KNTC1: variants seen among roughly 807,000 people sequenced by gnomAD.
KNTC1 encodes kinetochore-associated protein 1.
Under a neutral mutation model 314.4 loss-of-function variants are expected in KNTC1, and 253 were observed. The ratio of observed to expected loss-of-function variants is 0.80; its 90% CI spans 0.73 to 0.89. KNTC1 has a LOEUF of 0.89. KNTC1 is among the 40% of genes least tolerant of loss of function. The pLI, the probability that KNTC1 is intolerant of heterozygous loss-of-function variation, is 0.00. For synonymous variants in KNTC1, 901 were observed against 901.4 expected (o/e 1.00, Z 0.01); for missense variants, 2,475 against 2,572.9 (o/e 0.96, Z 0.82).
At chr12:122,618,595 A>G in intron 59 of KNTC1, 50 bp downstream of exon 59, 1 of 1,377,888 alleles carries the variant, frequency 7.3e-7, no homozygotes, top group Non-Finnish European at 1.0e-6. Context: ...TGTTGCTTAT[A>G]AGATTCCCTT....
At chr12:122,601,665 G>A in intron 45 of KNTC1, 40 bp downstream of exon 45, 1 of 1,428,564 alleles carries the variant, frequency 7.0e-7, no homozygotes, top group Admixed American at 3.0e-5. Context: ...TCATCTTTCT[G>A]CTTTTATTTG....
intron 51 of KNTC1, 55 bp from the exon 52 acceptor site, chr12:122,609,325 ATGTT>A (rs1302312984): frequency 1.8e-5 from 17 of 960,782 alleles, no homozygotes; most frequent in South Asian, 3.0e-5. Flanking sequence ...AGAGAGATGA[ATGTT>A]TGTTTAGTCA....
intron 31 of KNTC1, among the ~76,000 whole-genome samples, chr12:122,578,713 C>G (rs1965193102): frequency 6.6e-6 from 1 of 152,214 alleles, no homozygotes; most frequent in Non-Finnish European, 1.5e-5. Flanking sequence ...AGCCACCACA[C>G]TTGGCCAATA....
intron 7 of KNTC1, among the ~76,000 whole-genome samples, 154 bp downstream of exon 7, chr12:122,543,788 T>C (rs760159579): frequency 4.6e-5 from 7 of 152,120 alleles, no homozygotes; most frequent in Non-Finnish European, 7.4e-5. Context: ...AATACATTTA[T>C]GCCCGTAATC....
intron 63 of KNTC1, among the ~76,000 whole-genome samples, chr12:122,625,594 A>C (rs575947896): frequency 3.7e-4 from 55 of 149,798 alleles, no homozygotes; most frequent in African/African-American, 6.9e-4. Context: ...CAAAACAAAA[A>C]AAAAAAACAA....
chr12:122,561,950 CATTT>C lies in KNTC1; in HGVS notation c.1522_1525del (p.Tyr508LeufsTer4), dbSNP rs779004630. The C allele has an allele frequency of 1.9e-6, 3 of 1,595,180 alleles. No homozygotes were observed. Among genetic ancestry groups the C allele is most frequent in the Non-Finnish European group, 1.7e-6 (2 of 1,165,902 alleles). On this transcript the variant is annotated frameshift_variant, in exon 19 of 64. Transcript: ENST00000333479. LOFTEE classifies it high-confidence loss of function. ...TGAAGAAAGAAGATAAAACTGCTCT[CATTT>C]ATTCTGATGGCTTGAAAGAGGTAAT...
At position 122,613,629 on chromosome 12, in the gene KNTC1, T is replaced by C; in HGVS notation, c.5745T>C (p.Ser1915=). 6.3e-7 allele frequency: 1 copy of C among 1,599,358 alleles called. No individual in the cohort carries two copies. The highest frequency in any genetic ancestry group is 8.5e-7 in the Non-Finnish European group (1 of 1,175,250). ...LFKKPIEEVK[S]YLRCITFLAS... ...TAGAAACGTTTCTGTTTTCCAGATC[T>C]TATTTGAGATGTATAACTTTTCTGG... The change falls in exon 55 of 64, where the codon TCT becomes TCC. Residue 1915 remains serine (S), a synonymous_variant. Coordinates refer to ENST00000333479, the MANE Select transcript of KNTC1 (RefSeq NM_014708.6).
chr12:122,553,362 A>G (rs533017785), intron 16 of KNTC1, among the ~76,000 whole-genome samples: 2 of 151,972 alleles, frequency 1.3e-5, no homozygotes, highest in South Asian at 4.2e-4. Flanking sequence ...GCTTTATGAA[A>G]ATTGGATGTG....
At chr12:122,538,674 A>C (rs1365178767) in intron 4 of KNTC1, among the ~76,000 whole-genome samples, 3 of 152,104 alleles carry the variant, frequency 2.0e-5, no homozygotes, top group Non-Finnish European at 4.4e-5. Context: ...TTTCCCAGGG[A>C]ATGTTTAGTA....
chr12:122,529,402 C>T (rs1199270931), intron 1 of KNTC1, among the ~76,000 whole-genome samples: 1 of 152,162 alleles, frequency 6.6e-6, no homozygotes, highest in Non-Finnish European at 1.5e-5. Flanking sequence ...CACCCAGACT[C>T]CAGGTAATAT....
chr12:122,614,940 G>A, intron 55 of KNTC1, 51 bp from the exon 56 acceptor site: 1 of 1,319,224 alleles, frequency 7.6e-7, no homozygotes, highest in Non-Finnish European at 1.1e-6. Context: ...AAGATGGCTT[G>A]ATTTACTGGT....
At position 122,574,377 on chromosome 12, in the gene KNTC1, G is replaced by A. The variant is rs200941248; in HGVS notation, c.2379G>A (p.Thr793=). ...AMAVIACLSD[T]DLIFDAVLKI... ...CAGTAATAGCGTGTTTATCTGACAC[G>A]GACGTAAGTAAATAGTGACCATTTG... The change falls in exon 27 of 64, where the codon ACG becomes ACA. Residue 793 remains threonine (T), a synonymous_variant. Transcript: ENST00000333479. 9 of 1,576,852 alleles carry A rather than the reference G, an allele frequency of 5.7e-6. No homozygotes were observed. The highest frequency in any genetic ancestry group is 4.5e-5 in the East Asian group (2 of 44,534).
chr12:122,554,076 A>AAAAAAATATATATATATATATATATAT (rs370146333), intron 16 of KNTC1, among the ~76,000 whole-genome samples: 3 of 109,048 alleles, frequency 2.8e-5, no homozygotes, highest in African/African-American at 1.2e-4. Context: ...AAAAAAAAAA[A>AAAAAAATATATATATATATATATATAT]ATATATATAT....
chr12:122,542,947 C>T (rs1369038918), intron 6 of KNTC1, among the ~76,000 whole-genome samples: 1 of 152,044 alleles, frequency 6.6e-6, no homozygotes, highest in Admixed American at 6.6e-5. Context: ...GAGTCTTGCT[C>T]TGTCGCCCAG....
chr12:122,582,011 G>A (rs1056622293), intron 33 of KNTC1, among the ~76,000 whole-genome samples: 4 of 152,046 alleles, frequency 2.6e-5, no homozygotes, highest in African/African-American at 9.7e-5. Context: ...TTCTGTCGCT[G>A]TGAATTTGCT....
Position 122,534,684 on chromosome 12 carries a change from A to G in KNTC1, c.150A>G (p.Ile50Met). 1 of 1,609,624 alleles carries G rather than the reference A, an allele frequency of 6.2e-7. No individual in the cohort carries two copies. The highest frequency in any genetic ancestry group is 1.3e-5 in the African/African-American group (1 of 75,008). Residue 50 changes from isoleucine to methionine, a missense_variant, in exon 3 of 64, where the codon ATA becomes ATG. Ile to Met is a conservative substitution (Grantham distance 10, BLOSUM62 1). Transcript: ENST00000333479. ...CACAGGCCTCATTAAATCCAAAGAT[A>G]CAGGCATGCAGCTTAAGTGATGGGT... is the stretch of plus-strand genomic sequence containing the variant. The part of the protein sequence containing the change: ...SSEKASLNPK[I>M]QACSLSDGFI...
chr12:122,565,020 A>G (rs1366984116), intron 20 of KNTC1, among the ~76,000 whole-genome samples: 1 of 152,154 alleles, frequency 6.6e-6, no homozygotes, highest in African/African-American at 2.4e-5. Context: ...ACCTTTTCCA[A>G]TAGAATGAGT....
chr12:122,534,645 A>G lies in KNTC1; in HGVS notation c.130-19A>G. On this transcript the variant is annotated intron_variant, in intron 2 of 63. Transcript: ENST00000333479. ...ATATAAAAATGTTTGAATTTTCATC[A>G]TGCTTTTCTCTCCCACAGGCCTCAT... The G allele has an allele frequency of 6.3e-7, 1 of 1,591,914 alleles. No homozygotes were observed. The highest frequency in any genetic ancestry group is 8.6e-7 in the Non-Finnish European group (1 of 1,167,046).
intron 20 of KNTC1, among the ~76,000 whole-genome samples, chr12:122,565,237 G>T (rs1291564355): frequency 7.5e-5 from 9 of 119,232 alleles, no homozygotes; most frequent in Admixed American, 2.7e-4. Context: ...TTTCTCTTGA[G>T]TTGTTTTTTT....
Sources: allele counts gnomAD v4.1 joint callset (sites outside exome capture counted in the v4.1 genomes callset), GRCh38; gene constraint gnomAD v4.1.1; transcripts MANE v1.5; gene names NCBI Gene and HGNC (gene_info 2026-07-23, HGNC 2026-07-21).